The following MACROD1 variants were observed in gnomAD, a reference collection of about 807,000 sequenced individuals.
MACROD1 encodes the protein mono-ADP ribosylhydrolase 1, also known as ADP-ribose glycohydrolase MACROD1.
MACROD1 carries 31 observed loss-of-function variants against 41.4 expected under a neutral mutation model. The ratio of observed to expected loss-of-function variants is 0.75; its 90% CI spans 0.56 to 1.01. MACROD1 has a LOEUF of 1.01. Among genes scored for constraint, MACROD1 ranks in the 50% least tolerant of loss-of-function variants. MACROD1 has a pLI of 0.00. For missense variants in MACROD1, 473 were observed against 460.0 expected (o/e 1.03, Z -0.26); for synonymous variants, 252 against 203.4 (o/e 1.24, Z -2.03).
chr11:64,150,851 G>A (rs755598749), intron 3 of MACROD1, among the ~76,000 whole-genome samples: 1 of 152,154 alleles, frequency 6.6e-6, no homozygotes, highest in African/African-American at 2.4e-5. Flanking sequence ...TCCCTCACCC[G>A]CCCAGGTCTG....
At chr11:64,010,333 G>T (rs141240450) in intron 4 of MACROD1, among the ~76,000 whole-genome samples, 80 of 150,476 alleles carry the variant, frequency 5.3e-4, no homozygotes, top group African/African-American at 1.7e-3. Context: ...TGGGGTGTTG[G>T]TTGGGGTGTT....
chr11:64,000,284 G>A lies in MACROD1; in HGVS notation c.607C>T (p.Gln203Ter), dbSNP rs1369522150. ...PLLTDECRTL[Q>*]SCKTGKAKIT... ...TTGGCCTTGCCAGTCTTACAGCTCT[G>A]CAGGGTCCGGCACTCGTCGGTAAGC... The change falls in exon 5 of 11, where the codon CAG (glutamine) becomes TAG (stop). Residue 203 changes from glutamine to a stop codon, truncating the protein, a stop_gained. Transcript: ENST00000255681. LOFTEE classifies it high-confidence loss of function. 1 of 1,602,404 alleles carries A rather than the reference G, an allele frequency of 6.2e-7. No individual in the cohort carries two copies.
chr11:64,067,434 GC>G lies in MACROD1; in HGVS notation c.518-52154del, dbSNP rs1944025108. On this transcript the variant is annotated intron_variant, in intron 3 of 10. Coordinates refer to ENST00000255681, the MANE Select transcript of MACROD1 (RefSeq NM_014067.4). This position sits in a 1 kb window ranked among gnomAD's most constrained non-coding sequence, Gnocchi z 4.6. ...TTTCAGCTCACAAATCATGCCCCCG[GC>G]CCAGGTGACAGCCAGCACAGACGCC... 6.6e-6 allele frequency among the ~76,000 whole-genome samples: 1 copy of G among 152,132 alleles called. No homozygotes were observed. Among genetic ancestry groups the G allele is most frequent in the African/African-American group, 2.4e-5 (1 of 41,422 alleles).
At chr11:64,114,778 T>G (rs542585243) in intron 3 of MACROD1, among the ~76,000 whole-genome samples, 2 of 151,882 alleles carry the variant, frequency 1.3e-5, no homozygotes, top group Admixed American at 6.5e-5. Flanking sequence ...TGGATGAATG[T>G]ACAGGTGGAT....
intron 3 of MACROD1, among the ~76,000 whole-genome samples, chr11:64,065,168 G>T (rs538148325): frequency 6.6e-6 from 1 of 152,318 alleles, no homozygotes; most frequent in East Asian, 1.9e-4. Flanking sequence ...CCCAGGGAAC[G>T]GGTGCAGGAC....
rs1392702858 is a variant in MACROD1 at position 64,000,216 on chromosome 11, C to T, written c.664+11G>A. On this transcript the variant is annotated intron_variant, in intron 5 of 10. Transcript: ENST00000255681. ...CTGCGCCCCACAGCTGGGGGCGCGT[C>T]GGGGACTCACACTTGGCCGGGAGCC... 3 of 1,599,810 alleles carry T rather than the reference C, an allele frequency of 1.9e-6. No individual in the cohort carries two copies. Among genetic ancestry groups the T allele is most frequent in the South Asian group, 1.1e-5 (1 of 89,236 alleles).
chr11:64,139,622 A>C (rs1480351044), intron 3 of MACROD1, among the ~76,000 whole-genome samples: 1 of 152,072 alleles, frequency 6.6e-6, no homozygotes, highest in African/African-American at 2.4e-5. Flanking sequence ...TTTCCTATTA[A>C]TGCCCCCATA....
In MACROD1 at chr11:64,102,617, T is replaced by C. The variant is rs746365130; in HGVS notation, c.517+48622A>G. On this transcript the variant is annotated intron_variant, in intron 3 of 10. Coordinates refer to ENST00000255681, the MANE Select transcript of MACROD1 (RefSeq NM_014067.4). ...GCCAGGAGCTCGAAAAACTTCATTT[T>C]TCTCTTCCCAGTCCTTCCACCCCCA... 4.5e-4 allele frequency among the ~76,000 whole-genome samples: 69 copies of C among 152,312 alleles called. 2 individuals carry two copies. The highest frequency in any genetic ancestry group is 6.8e-3 in the Middle Eastern group (2 of 294).
chr11:64,041,353 C>T (rs558143898), intron 3 of MACROD1, among the ~76,000 whole-genome samples: 258 of 152,196 alleles, frequency 1.7e-3, no homozygotes, highest in African/African-American at 6.0e-3. Flanking sequence ...CCCTCCACCC[C>T]CCGTGACGCC....
chr11:64,058,001 A>G (rs570754211), intron 3 of MACROD1, among the ~76,000 whole-genome samples: 1 of 152,306 alleles, frequency 6.6e-6, no homozygotes, highest in South Asian at 2.1e-4. Flanking sequence ...GCCTCCTGGG[A>G]CAGCTGGCCT....
chr11:64,032,865 G>A (rs970803732), intron 3 of MACROD1, among the ~76,000 whole-genome samples: 1 of 152,170 alleles, frequency 6.6e-6, no homozygotes, highest in Non-Finnish European at 1.5e-5. Context: ...ATAAAGAAGA[G>A]GCACTCCAGG....
intron 3 of MACROD1, among the ~76,000 whole-genome samples, chr11:64,132,728 C>G (rs540967739): frequency 4.6e-5 from 7 of 152,278 alleles, no homozygotes; most frequent in African/African-American, 1.7e-4. Flanking sequence ...CCATCCAGAT[C>G]TGTAACTTCA....
chr11:64,027,699 C>T (rs910985117), intron 3 of MACROD1, among the ~76,000 whole-genome samples: 1 of 152,100 alleles, frequency 6.6e-6, no homozygotes, highest in Non-Finnish European at 1.5e-5. Context: ...CCCTGGCCCC[C>T]AGTGACCGCT....
Position 64,146,997 on chromosome 11 carries a change from G to A in MACROD1, c.517+4242C>T, listed in dbSNP as rs1017829692. 6.6e-6 allele frequency among the ~76,000 whole-genome samples: 1 copy of A among 152,122 alleles called. No individual in the cohort carries two copies. The highest frequency in any genetic ancestry group is 1.5e-5 in the Non-Finnish European group (1 of 68,034). On this transcript the variant is annotated intron_variant, in intron 3 of 10. Coordinates refer to ENST00000255681, the MANE Select transcript of MACROD1 (RefSeq NM_014067.4). This position sits in a 1 kb window ranked among gnomAD's most constrained non-coding sequence, Gnocchi z 4.7. ...CAATCACATCTCATAGCCCAATAAT[G>A]TAAGAGTGGAAACCAGTCCTGAATT...
intron 3 of MACROD1, among the ~76,000 whole-genome samples, chr11:64,016,056 G>A (rs888198673): frequency 4.6e-5 from 7 of 152,178 alleles, no homozygotes; most frequent in African/African-American, 1.2e-4. Context: ...CTGGGTCCCC[G>A]CCCCCTCCTT....
rs1322458498 is a variant in MACROD1 at position 64,067,058 on chromosome 11, A to G, written c.518-51777T>C. Among the ~76,000 whole-genome samples, 5 of 151,972 alleles carry G rather than the reference A, an allele frequency of 3.3e-5. No homozygotes were observed. The highest frequency in any genetic ancestry group is 9.7e-5 in the African/African-American group (4 of 41,366). ...GGGGCTCAGGGACCCCCCATGCCCA[A>G]TGTCCTGGCTCATTTGGGTAAACTA... On this transcript the variant is annotated intron_variant, in intron 3 of 10. Coordinates refer to ENST00000255681, the MANE Select transcript of MACROD1 (RefSeq NM_014067.4). This position sits in a 1 kb window ranked among gnomAD's most constrained non-coding sequence, Gnocchi z 4.6.
chr11:64,011,735 G>A (rs1412410290), intron 4 of MACROD1, among the ~76,000 whole-genome samples: 1 of 151,458 alleles, frequency 6.6e-6, no homozygotes, highest in Non-Finnish European at 1.5e-5. Flanking sequence ...CCTTGTGCGT[G>A]TTCGAACAAT....
chr11:64,145,483 T>C (rs1207144257), intron 3 of MACROD1, among the ~76,000 whole-genome samples: 2 of 152,158 alleles, frequency 1.3e-5, no homozygotes, highest in Non-Finnish European at 2.9e-5. Flanking sequence ...TGGACAGGCC[T>C]GAACTCCTGT....
chr11:64,060,313 C>T (rs983975704), intron 3 of MACROD1: 1 of 152,196 alleles, frequency 6.6e-6, no homozygotes, highest in African/African-American at 2.4e-5. Flanking sequence ...CCGATCTGGG[C>T]CTCAGTTTCC....
Sources: allele counts gnomAD v4.1 joint callset (sites outside exome capture counted in the v4.1 genomes callset), GRCh38; gene constraint gnomAD v4.1.1; non-coding constraint Gnocchi (gnomAD v3.1); transcripts MANE v1.5; gene names NCBI Gene and HGNC (gene_info 2026-07-23, HGNC 2026-07-21).